Variants in RCL1 observed in about 807,000 individuals in gnomAD.
The protein encoded by RCL1 is RNA terminal phosphate cyclase like 1, also known as RNA 3'-terminal phosphate cyclase-like protein.
In RCL1, 24 loss-of-function variants were observed where a neutral mutation model predicts 42.4. That is an observed-to-expected ratio of 0.57 (90% confidence interval 0.41 to 0.80). The LOEUF (loss-of-function observed/expected upper bound fraction) is 0.80. Among genes scored for constraint, RCL1 ranks in the 30% least tolerant of loss-of-function variants. RCL1 has a pLI of 0.00. For missense variants in RCL1, 578 were observed against 467.9 expected, an observed-to-expected ratio of 1.24 and a Z score of -2.17; for synonymous variants, 228 against 177.3, an observed-to-expected ratio of 1.29 and a Z score of -2.27.
At chr9:4,835,255 A>G (rs939905521) in intron 5 of RCL1, among the ~76,000 whole-genome samples, 5 of 152,254 alleles carry the variant, frequency 3.3e-5, no homozygotes, top group South Asian at 2.1e-4. Context: ...TGAGGCCACC[A>G]AAACTTGAAA....
intron 1 of RCL1, among the ~76,000 whole-genome samples, chr9:4,820,089 T>C (rs1816538582): frequency 6.6e-6 from 1 of 152,222 alleles, no homozygotes. Context: ...TTGACTTTGA[T>C]TCTCTTTATA....
intron 7 of RCL1, 90 bp downstream of exon 7, chr9:4,844,771 A>C: frequency 2.9e-6 from 4 of 1,358,692 alleles, no homozygotes; most frequent in Non-Finnish European, 4.1e-6. Context: ...TCCTCTTCCA[A>C]GGGCTCAAGC....
intron 1 of RCL1, among the ~76,000 whole-genome samples, chr9:4,810,036 C>T (rs987912462): frequency 7.2e-5 from 11 of 152,090 alleles, no homozygotes; most frequent in African/African-American, 1.9e-4. Flanking sequence ...AGGCTGGTCT[C>T]GAACTCCTGG....
chr9:4,832,159 C>T (rs534186959), intron 3 of RCL1, among the ~76,000 whole-genome samples: 1 of 152,322 alleles, frequency 6.6e-6, no homozygotes, highest in East Asian at 1.9e-4. Context: ...ACAAATGGAT[C>T]AGAAAGACCC....
intron 8 of RCL1, among the ~76,000 whole-genome samples, chr9:4,856,572 G>T (rs1357154901): frequency 6.6e-6 from 1 of 152,162 alleles, no homozygotes; most frequent in Non-Finnish European, 1.5e-5. Context: ...TAATGATGGG[G>T]AAGGGGACAG....
intron 1 of RCL1, among the ~76,000 whole-genome samples, chr9:4,820,999 A>G (rs1816578360): frequency 6.6e-6 from 1 of 152,326 alleles, no homozygotes; most frequent in African/African-American, 2.4e-5. Flanking sequence ...GAGATCCATT[A>G]AATTAACTAT....
chr9:4,815,815 G>T (rs1816354582), intron 1 of RCL1, among the ~76,000 whole-genome samples: 1 of 152,136 alleles, frequency 6.6e-6, no homozygotes, highest in Non-Finnish European at 1.5e-5. Flanking sequence ...AGGACTGCAG[G>T]GTTCCTCAGT....
At chr9:4,824,814 T>A (rs1284595125) in intron 2 of RCL1, among the ~76,000 whole-genome samples, 1 of 152,254 alleles carries the variant, frequency 6.6e-6, no homozygotes. Flanking sequence ...TTTTGCCAGC[T>A]ATGAGTCCCT....
chr9:4,806,633 C>CACACAT lies in RCL1; in HGVS notation c.136+13407_136+13408insCACATA, dbSNP rs869274587. Among the ~76,000 whole-genome samples the CACACAT allele has an allele frequency of 7.7e-3, 1,081 of 141,062 alleles. 13 individuals are homozygous for CACACAT. Among genetic ancestry groups the CACACAT allele is most frequent in the African/African-American group, 0.026 (1,019 of 39,104 alleles). 92.5% of individuals were successfully genotyped at this position (141,062 alleles called of 152,430 possible). Reference sequence around the variant, plus strand: ...ACACACACACACACACACACACACACATATACTTACATATATATTGCTGAA... The same window carrying CACACAT: ...ACACACACACACACACACACACACACACACATATATACTTACATATATATTGCTGAA... On this transcript the variant is annotated intron_variant, in intron 1 of 8. Transcript: ENST00000381750.
chr9:4,851,885 CTTT>C, intron 8 of RCL1, among the ~76,000 whole-genome samples: 1 of 124,454 alleles, frequency 8.0e-6, no homozygotes, highest in African/African-American at 3.0e-5. Context: ...GTGTGAAACT[CTTT>C]TTTTTTTTTT....
At position 4,833,177 on chromosome 9, in the gene RCL1, A is replaced by G. The variant is rs746401904; in HGVS notation, c.408A>G (p.Ala136=). ...DPSVDVLKAT[A]LPLLKQFGID... ...AGGTTGATGTTCTTAAGGCAACAGC[A>G]CTCCCTTTGTTGAAACAATTTGGGA... is the stretch of plus-strand genomic sequence containing the variant. Residue 136 remains alanine, a synonymous_variant, in exon 4 of 9, where the codon GCA becomes GCG. Coordinates refer to ENST00000381750, the MANE Select transcript of RCL1 (RefSeq NM_005772.5). 6.2e-7 allele frequency: 1 copy of G among 1,612,702 alleles called. No homozygotes were observed. Among genetic ancestry groups the G allele is most frequent in the Non-Finnish European group, 8.5e-7 (1 of 1,178,752 alleles).
intron 1 of RCL1, among the ~76,000 whole-genome samples, chr9:4,808,661 T>C (rs1816064222): frequency 6.6e-6 from 1 of 152,166 alleles, no homozygotes; most frequent in Non-Finnish European, 1.5e-5. Flanking sequence ...AGGGATTACT[T>C]TCTTCCATTG....
At chr9:4,801,011 C>A (rs1251326659) in intron 1 of RCL1, among the ~76,000 whole-genome samples, 1 of 152,104 alleles carries the variant, frequency 6.6e-6, no homozygotes, top group Non-Finnish European at 1.5e-5. Context: ...TTCTCTGCAT[C>A]CTTTCTAGCA....
chr9:4,801,718 C>CT lies in RCL1; in HGVS notation c.136+8509dup, dbSNP rs57255135. Among the ~76,000 whole-genome samples, 924 of 111,414 alleles carry CT rather than the reference C, an allele frequency of 8.3e-3. 10 individuals carry two copies. The highest frequency in any genetic ancestry group is 0.014 in the African/African-American group (471 of 32,744). 73.1% of individuals were successfully genotyped at this position (111,414 alleles called of 152,430 possible). A position where few individuals can be genotyped will look rare whatever the true frequency, so the allele number is the denominator to read the frequency against. ...TAGGTGCGAGACTTGGGTTGCGATT[C>CT]TTTTTTTTTTTTTTTTTTGCCTATG... On this transcript the variant is annotated intron_variant, in intron 1 of 8. Transcript: ENST00000381750.
intron 8 of RCL1, among the ~76,000 whole-genome samples, chr9:4,856,576 G>T (rs770352974): frequency 1.2e-4 from 18 of 152,150 alleles, no homozygotes; most frequent in Non-Finnish European, 2.5e-4. Flanking sequence ...GATGGGGAAG[G>T]GGACAGTGAT....
intron 1 of RCL1, among the ~76,000 whole-genome samples, chr9:4,819,669 T>C (rs1360448315): frequency 2.0e-5 from 3 of 152,152 alleles, no homozygotes; most frequent in Non-Finnish European, 4.4e-5. Context: ...TAGCTGGGCG[T>C]GGTGGCACGC....
chr9:4,798,561 T>C (rs1842949358), intron 1 of RCL1, among the ~76,000 whole-genome samples: 2 of 152,204 alleles, frequency 1.3e-5, no homozygotes. Flanking sequence ...TCCTTTAAAA[T>C]GTGCTGAGGA....
intron 1 of RCL1, among the ~76,000 whole-genome samples, chr9:4,814,577 A>G (rs575011512): frequency 6.6e-6 from 1 of 152,148 alleles, no homozygotes; most frequent in East Asian, 1.9e-4. Flanking sequence ...TCCTGTCCTT[A>G]TAAAAATTGT....
intron 1 of RCL1, among the ~76,000 whole-genome samples, chr9:4,816,352 G>A (rs1816377470): frequency 1.3e-5 from 2 of 151,992 alleles, no homozygotes; most frequent in African/African-American, 4.8e-5. Context: ...TATAAATCTT[G>A]CCTATCCTTT....
Sources: allele counts gnomAD v4.1 joint callset (sites outside exome capture counted in the v4.1 genomes callset), GRCh38; gene constraint gnomAD v4.1.1; transcripts MANE v1.5; gene names NCBI Gene and HGNC (gene_info 2026-07-23, HGNC 2026-07-21).